Variants in ESR1 observed in about 807,000 individuals in gnomAD.
ESR1 encodes the protein estrogen receptor 1.
A neutral mutation model predicts 52.7 loss-of-function variants in ESR1; 12 were observed. That is an observed-to-expected ratio of 0.23 (90% CI 0.15 to 0.37). ESR1 has a LOEUF of 0.37. Ranked by LOEUF, ESR1 falls within the 10% of genes least tolerant of loss-of-function variation. ESR1 has a pLI of 1.00. For missense variants in ESR1, 584 were observed against 779.7 expected (o/e 0.75, Z 2.99); for synonymous variants, 305 against 316.8 (o/e 0.96, Z 0.39).
intron 3 of ESR1, among the ~76,000 whole-genome samples, chr6:151,923,327 A>G (rs770937953): frequency 6.6e-5 from 10 of 152,246 alleles, no homozygotes; most frequent in Non-Finnish European, 8.8e-5. Context: ...ATTGTGGTCT[A>G]TTCTTTGTTC....
At chr6:151,871,465 G>A (rs898439017) in intron 2 of ESR1, among the ~76,000 whole-genome samples, 11 of 152,044 alleles carry the variant, frequency 7.2e-5, no homozygotes, top group Non-Finnish European at 1.6e-4. Flanking sequence ...GTGCAGTGGT[G>A]CAATCTCGGC....
At chr6:151,681,414 T>G (rs1307017072) in intron 1 of ESR1, among the ~76,000 whole-genome samples, 1 of 150,558 alleles carries the variant, frequency 6.6e-6, no homozygotes, top group South Asian at 2.1e-4. Flanking sequence ...ACGGCGGTGC[T>G]GAGGGGTGGG....
intron 3 of ESR1, among the ~76,000 whole-genome samples, chr6:151,898,814 C>G (rs539666087): frequency 1.3e-5 from 2 of 152,220 alleles, no homozygotes; most frequent in East Asian, 3.9e-4. Context: ...TACACAGACA[C>G]GGCAACCATC....
rs79933197 is a variant in ESR1, at chr6:152,014,362, C to T, written c.1235+2568C>T. On this transcript the variant is annotated intron_variant, in intron 5 of 7. Transcript: ENST00000206249. The stretch of plus-strand genomic sequence containing the variant: ...CAGTTACGATAACTAACAATGTCTC[C>T]GGACATTTCTACCTATCTTCTGTTG... 2.6e-4 allele frequency among the ~76,000 whole-genome samples: 39 copies of T among 152,188 alleles called. No homozygotes were observed. In the East Asian group the frequency reaches 5.0e-3, roughly 20 times the overall value.
At chr6:151,955,260 T>C (rs2036774830) in intron 4 of ESR1, among the ~76,000 whole-genome samples, 1 of 152,186 alleles carries the variant, frequency 6.6e-6, no homozygotes, top group Admixed American at 6.5e-5. Flanking sequence ...AAACTTAACA[T>C]ACCATAGAAG....
chr6:151,894,202 G>T (rs1341889638), intron 3 of ESR1, among the ~76,000 whole-genome samples: 1 of 152,066 alleles, frequency 6.6e-6, no homozygotes, highest in African/African-American at 2.4e-5. Context: ...CTTCTTTTGA[G>T]AACTGTCTAT....
intron 4 of ESR1, among the ~76,000 whole-genome samples, chr6:151,962,749 T>A (rs1268482901): frequency 6.6e-6 from 1 of 152,198 alleles, no homozygotes; most frequent in Non-Finnish European, 1.5e-5. Context: ...GGGCACACAC[T>A]TAATGGACCC....
chr6:151,872,265 T>C (rs1184152221), intron 2 of ESR1, among the ~76,000 whole-genome samples: 3 of 152,226 alleles, frequency 2.0e-5, no homozygotes, highest in Non-Finnish European at 4.4e-5. Flanking sequence ...AGGTTTTAAA[T>C]TGTTCCATAC....
chr6:151,976,279 C>T (rs1337319514), intron 4 of ESR1, among the ~76,000 whole-genome samples: 1 of 152,250 alleles, frequency 6.6e-6, no homozygotes, highest in East Asian at 1.9e-4. Flanking sequence ...AGCTTGTTTT[C>T]ACCTAAGACT....
At chr6:151,989,129 A>C (rs2040783203) in intron 4 of ESR1, among the ~76,000 whole-genome samples, 1 of 152,136 alleles carries the variant, frequency 6.6e-6, no homozygotes, top group Non-Finnish European at 1.5e-5. Flanking sequence ...AGTCCATGTA[A>C]ATTAAGTGGG....
chr6:151,861,468 A>G (rs1788874673), intron 2 of ESR1, among the ~76,000 whole-genome samples: 1 of 152,186 alleles, frequency 6.6e-6, no homozygotes, highest in Non-Finnish European at 1.5e-5. Context: ...CAATGAGGAC[A>G]ATTCAGGTAG....
intron 6 of ESR1, among the ~76,000 whole-genome samples, chr6:152,069,180 C>T (rs2048194555): frequency 7.3e-6 from 1 of 136,828 alleles, no homozygotes; most frequent in Admixed American, 6.8e-5. Context: ...TTAAATCCAC[C>T]TCTTGAAAAA....
intron 4 of ESR1, among the ~76,000 whole-genome samples, chr6:151,996,524 C>T (rs1468699843): frequency 2.6e-5 from 4 of 152,072 alleles, no homozygotes; most frequent in Admixed American, 6.6e-5. Context: ...ACCAATTTTC[C>T]TCTCCTCTGG....
At chr6:151,959,703 T>A (rs1288977731) in intron 4 of ESR1, among the ~76,000 whole-genome samples, 1 of 152,030 alleles carries the variant, frequency 6.6e-6, no homozygotes, top group Non-Finnish European at 1.5e-5. Flanking sequence ...CTTTTTTTTT[T>A]AATTAGAAAA....
chr6:151,901,730 C>T (rs757561593), intron 3 of ESR1, among the ~76,000 whole-genome samples: 9 of 152,176 alleles, frequency 5.9e-5, no homozygotes, highest in Non-Finnish European at 1.0e-4. Flanking sequence ...GGTGTGTGTT[C>T]GGGGGTGGGC....
chr6:151,854,897 AT>A (rs1436390672), intron 2 of ESR1, among the ~76,000 whole-genome samples: 1 of 152,092 alleles, frequency 6.6e-6, no homozygotes, highest in African/African-American at 2.4e-5. Flanking sequence ...CTAATAAGGG[AT>A]TTCGTTTTAA....
intron 2 of ESR1, among the ~76,000 whole-genome samples, chr6:151,712,868 T>C (rs551660476): frequency 7.0e-4 from 106 of 152,276 alleles, no homozygotes; most frequent in African/African-American, 2.4e-3. Context: ...GAACTTCCAA[T>C]ACTATGTTGA....
At chr6:151,697,976 T>C (rs1779486347) in intron 1 of ESR1, among the ~76,000 whole-genome samples, 1 of 152,098 alleles carries the variant, frequency 6.6e-6, no homozygotes, top group Non-Finnish European at 1.5e-5. Context: ...CATGCGCCTG[T>C]AGTCCCAGCT....
intron 1 of ESR1, among the ~76,000 whole-genome samples, chr6:151,810,242 C>G (rs1778588450): frequency 6.6e-6 from 1 of 151,892 alleles, no homozygotes; most frequent in Admixed American, 6.6e-5. Context: ...GATATTCAAA[C>G]ACTCTTAGAA....
Sources: gnomAD v4.1 joint callset for allele counts (sites outside exome capture counted in the v4.1 genomes callset) on GRCh38, gnomAD v4.1.1 for gene constraint, MANE v1.5 for transcripts, NCBI Gene and HGNC (gene_info 2026-07-23, HGNC 2026-07-21) for gene names.